ADORA2B: variants seen among roughly 807,000 people sequenced by gnomAD.
ADORA2B encodes the protein adenosine A2b receptor, also known as adenosine receptor A2b.
ADORA2B carries 18 observed loss-of-function variants against 20.8 expected under a neutral mutation model. The observed-to-expected ratio is 0.87, with a 90% confidence interval of 0.60 to 1.29. ADORA2B has a LOEUF of 1.29. ADORA2B is among the 50% of genes most tolerant of loss of function. ADORA2B has a pLI of 0.00. For synonymous variants in ADORA2B, 179 were observed against 178.3 expected (o/e 1.00, Z -0.03); for missense variants, 441 against 422.7 (o/e 1.04, Z -0.38).
At chr17:15,970,672 G>A (rs138973151) in intron 1 of ADORA2B, among the ~76,000 whole-genome samples, 34 of 152,294 alleles carry the variant, frequency 2.2e-4, no homozygotes, top group African/African-American at 7.0e-4. Context: ...CTGTGTTAAC[G>A]GAGTACCTCA....
At chr17:15,964,630 AAAG>A (rs1970079655) in intron 1 of ADORA2B, among the ~76,000 whole-genome samples, 1 of 151,444 alleles carries the variant, frequency 6.6e-6, no homozygotes, top group African/African-American at 2.4e-5. Flanking sequence ...AAAAAAAAAA[AAAG>A]AAAAGATGAA....
chr17:15,946,178 G>T (rs1969803348), intron 1 of ADORA2B, among the ~76,000 whole-genome samples: 1 of 152,232 alleles, frequency 6.6e-6, no homozygotes, highest in East Asian at 1.9e-4. Flanking sequence ...GAAGGTGTCC[G>T]TTAACTTTGG....
the ADORA2B span, among the ~76,000 whole-genome samples, chr17:15,909,515 A>G: frequency 1.3e-5 from 2 of 152,196 alleles, no homozygotes; most frequent in African/African-American, 2.4e-5. Flanking sequence ...CTCTGCCACC[A>G]TAGTCTGTGT....
the ADORA2B span, among the ~76,000 whole-genome samples, chr17:15,930,969 T>C: frequency 6.6e-6 from 1 of 152,002 alleles, no homozygotes; most frequent in Non-Finnish European, 1.5e-5. Flanking sequence ...GCTAAGAAAA[T>C]TTGGAATAAG....
chr17:15,959,854 T>G (rs533949070), intron 1 of ADORA2B, among the ~76,000 whole-genome samples: 61 of 152,338 alleles, frequency 4.0e-4, no homozygotes, highest in African/African-American at 1.4e-3. Context: ...TTCCCAGTTA[T>G]CCCAATCATA....
At chr17:15,867,249 G>A in the ADORA2B span, among the ~76,000 whole-genome samples, 177 of 151,658 alleles carry the variant, frequency 1.2e-3, no homozygotes, top group Middle Eastern at 3.5e-3. Context: ...GCCGCCCATT[G>A]TCTGGGATGT....
chr17:15,929,799 A>G, the ADORA2B span, among the ~76,000 whole-genome samples: 2 of 152,134 alleles, frequency 1.3e-5, no homozygotes, highest in South Asian at 2.1e-4. Context: ...TTGCACCTAC[A>G]TGAGGTAGTA....
the ADORA2B span, among the ~76,000 whole-genome samples, chr17:15,893,031 C>T: frequency 6.6e-6 from 1 of 152,210 alleles, no homozygotes; most frequent in Admixed American, 6.5e-5. Context: ...AATACAACCT[C>T]AACACTCTGG....
the ADORA2B span, among the ~76,000 whole-genome samples, chr17:15,874,113 T>C: frequency 1.4e-5 from 2 of 142,962 alleles, no homozygotes; most frequent in African/African-American, 2.6e-5. Flanking sequence ...CACACATATA[T>C]ACATACACAC....
intron 1 of ADORA2B, among the ~76,000 whole-genome samples, chr17:15,968,145 G>A (rs1970144480): frequency 6.6e-6 from 1 of 152,174 alleles, no homozygotes; most frequent in Admixed American, 6.5e-5. Context: ...AGTAACAAGG[G>A]CTATGGGAGT....
chr17:15,894,069 T>C, the ADORA2B span, among the ~76,000 whole-genome samples: 3 of 152,132 alleles, frequency 2.0e-5, no homozygotes, highest in African/African-American at 4.8e-5. Context: ...CATCCTACAA[T>C]ATGTCCCACA....
chr17:15,930,982 C>T, the ADORA2B span, among the ~76,000 whole-genome samples: 12 of 152,150 alleles, frequency 7.9e-5, no homozygotes, highest in African/African-American at 1.4e-4. Context: ...GGAATAAGAA[C>T]GAAGGCGGAT....
the ADORA2B span, among the ~76,000 whole-genome samples, chr17:15,851,403 C>G: frequency 6.6e-6 from 1 of 150,624 alleles, no homozygotes; most frequent in African/African-American, 2.5e-5. Flanking sequence ...CCACTGCTGC[C>G]AAGATCTAGG....
Position 15,975,633 on chromosome 17 carries a change from T to C in ADORA2B, c.*291T>C, listed in dbSNP as rs1970248215. 2.6e-6 allele frequency: 1 copy of C among 387,032 alleles called. No homozygotes were observed. The highest frequency in any genetic ancestry group is 4.7e-6 in the Non-Finnish European group (1 of 214,774). 24.0% of individuals were successfully genotyped at this position (387,032 alleles called of 1,614,324 possible). ...TGTTTTTAAAAGTCTGCCTTGTTTA[T>C]GGTGGAAAATTACTGAAACTATTTT... is the stretch of plus-strand genomic sequence containing the variant. On this transcript the variant is annotated 3_prime_UTR_variant, in exon 2 of 2. Transcript: ENST00000304222.
the ADORA2B span, among the ~76,000 whole-genome samples, chr17:15,873,912 G>T: frequency 6.6e-6 from 1 of 152,002 alleles, no homozygotes; most frequent in Non-Finnish European, 1.5e-5. Flanking sequence ...CAAAGGAAAA[G>T]AAGTCATTAT....
At chr17:15,865,142 A>T in the ADORA2B span, among the ~76,000 whole-genome samples, 7 of 152,262 alleles carry the variant, frequency 4.6e-5, no homozygotes, top group Non-Finnish European at 8.8e-5. Context: ...GTTTACTAGG[A>T]CAGTATCTGT....
chr17:15,913,078 C>G, the ADORA2B span, among the ~76,000 whole-genome samples: 1 of 152,168 alleles, frequency 6.6e-6, no homozygotes, highest in Non-Finnish European at 1.5e-5. Context: ...CCTGAGGCAT[C>G]TGTTGTTGCA....
At chr17:15,881,589 C>T in the ADORA2B span, among the ~76,000 whole-genome samples, 4 of 152,322 alleles carry the variant, frequency 2.6e-5, no homozygotes, top group African/African-American at 9.6e-5. Flanking sequence ...AGGGAGCTTC[C>T]TATTCCCGGT....
In ADORA2B at chr17:15,972,282, T is replaced by G. The variant is rs79979225; in HGVS notation, c.336-2397T>G. ...GGTTCTGCGGCCATGCTGGGAAGTATACGTCTTACACTGCAGGTAAAGCAA... is the reference window on the plus strand; with the variant it reads ...GGTTCTGCGGCCATGCTGGGAAGTAGACGTCTTACACTGCAGGTAAAGCAA... On this transcript the variant is annotated intron_variant, in intron 1 of 1. Transcript: ENST00000304222. 4.8e-3 allele frequency among the ~76,000 whole-genome samples: 729 copies of G among 152,318 alleles called. 1 individual carries two copies. Among genetic ancestry groups the G allele is most frequent in the Non-Finnish European group, 7.8e-3 (533 of 68,026 alleles).
Sources: allele counts gnomAD v4.1 joint callset (sites outside exome capture counted in the v4.1 genomes callset), GRCh38; gene constraint gnomAD v4.1.1; transcripts MANE v1.5; gene names NCBI Gene and HGNC (gene_info 2026-07-23, HGNC 2026-07-21).